TMEFF1: variants seen among roughly 807,000 people sequenced by gnomAD.
The protein encoded by TMEFF1 is transmembrane protein with EGF like and two follistatin like domains 1.
Under a neutral mutation model 47.5 loss-of-function variants are expected in TMEFF1, and 20 were observed. That is an observed-to-expected ratio of 0.42 (90% CI 0.30 to 0.61). The LOEUF (loss-of-function observed/expected upper bound fraction) is 0.61, where lower values mean the gene tolerates loss of function less well. Among genes scored for constraint, TMEFF1 ranks in the 20% least tolerant of loss-of-function variants. TMEFF1 has a pLI of 0.19. For missense variants in TMEFF1, 411 were observed against 471.1 expected (o/e 0.87, Z 1.18); for synonymous variants, 162 against 166.3 (o/e 0.97, Z 0.20).
chr9:100,561,792 C>T (rs970602183), intron 8 of TMEFF1, among the ~76,000 whole-genome samples: 1 of 151,690 alleles, frequency 6.6e-6, no homozygotes, highest in Non-Finnish European at 1.5e-5. Context: ...CATTCCAACA[C>T]TATTTTGGTT....
intron 5 of TMEFF1, among the ~76,000 whole-genome samples, chr9:100,522,792 T>C (rs1838188329): frequency 6.6e-6 from 1 of 152,088 alleles, no homozygotes; most frequent in Non-Finnish European, 1.5e-5. Flanking sequence ...TGGAGTGCAG[T>C]GGCATGATCT....
At position 100,509,048 on chromosome 9, in the gene TMEFF1, C is replaced by T; in HGVS notation, c.350C>T (p.Thr117Ile). The T allele has an allele frequency of 6.2e-7, 1 of 1,604,258 alleles. No individual in the cohort carries two copies. The highest frequency in any genetic ancestry group is 8.5e-7 in the Non-Finnish European group (1 of 1,176,412). ...YIPVCGSNGD[T>I]YQNECFLRRA... Reference sequence around the variant, plus strand: ...CCTGTCTGTGGATCAAATGGGGACACTTATCAAAATGAATGCTTTCTCAGA... The same window carrying T: ...CCTGTCTGTGGATCAAATGGGGACATTTATCAAAATGAATGCTTTCTCAGA... The change falls in exon 3 of 10, where the codon ACT (threonine) becomes ATT (isoleucine). Residue 117 changes from threonine to isoleucine, a missense_variant. By Grantham distance (89) the Thr-to-Ile change is moderately conservative (BLOSUM62 -1). Coordinates refer to ENST00000374879, the MANE Select transcript of TMEFF1 (RefSeq NM_003692.5).
At chr9:100,531,683 A>G (rs544566193) in intron 5 of TMEFF1, among the ~76,000 whole-genome samples, 51 of 152,252 alleles carry the variant, frequency 3.3e-4, no homozygotes, top group African/African-American at 6.7e-4. Context: ...TACAGATTCA[A>G]TGCCATCCCC....
chr9:100,480,892 G>A (rs1837326888), intron 1 of TMEFF1, among the ~76,000 whole-genome samples: 1 of 152,220 alleles, frequency 6.6e-6, no homozygotes. Flanking sequence ...GGAAGATACA[G>A]ATGTGGTGTC....
At position 100,552,486 on chromosome 9, in the gene TMEFF1, T is replaced by A. The variant is rs181007936; in HGVS notation, c.775+2326T>A. Among the ~76,000 whole-genome samples, 10 of 152,236 alleles carry A rather than the reference T, an allele frequency of 6.6e-5. No homozygotes were observed. The East Asian group carries it at 9.7e-4, about 15-fold the overall frequency. The stretch of plus-strand genomic sequence containing the variant: ...GGGAGGAGTTGATGGTGGAGATGAT[T>A]GATTGTATTTTAGAGTTTGAGGTGC... On this transcript the variant is annotated intron_variant, in intron 7 of 9. Coordinates refer to ENST00000374879, the MANE Select transcript of TMEFF1 (RefSeq NM_003692.5).
intron 5 of TMEFF1, among the ~76,000 whole-genome samples, chr9:100,543,053 T>G (rs201570443): frequency 1.3e-5 from 2 of 151,786 alleles, no homozygotes; most frequent in Non-Finnish European, 2.9e-5. Context: ...CTCAGCCTCC[T>G]GAGTAGCTGG....
intron 5 of TMEFF1, among the ~76,000 whole-genome samples, chr9:100,529,814 C>G (rs1030558605): frequency 6.6e-6 from 1 of 152,132 alleles, no homozygotes; most frequent in Admixed American, 6.5e-5. Context: ...CACACCACAC[C>G]TATTCCAAAA....
intron 4 of TMEFF1, 82 bp from the exon 5 acceptor site, chr9:100,516,593 G>C (rs1838078111): frequency 6.6e-7 from 1 of 1,523,810 alleles, no homozygotes; most frequent in Admixed American, 2.1e-5. Context: ...TCAGAAACAG[G>C]ATAATGACTG....
chr9:100,539,648 G>A (rs993991319), intron 5 of TMEFF1, among the ~76,000 whole-genome samples: 2 of 152,146 alleles, frequency 1.3e-5, no homozygotes, highest in Non-Finnish European at 2.9e-5. Flanking sequence ...TCATAAAGGT[G>A]GCGCGGACCC....
chr9:100,509,267 A>C lies in TMEFF1; in HGVS notation c.436+133A>C, dbSNP rs537954642. On this transcript the variant is annotated intron_variant, in intron 3 of 9. Transcript: ENST00000374879. ...GGTGGTTGTTGCGGGGAGTAGGGGA[A>C]ATCTTTTTTGCCCTCATTTCAGGTT... is the stretch of plus-strand genomic sequence containing the variant. 2.2e-4 allele frequency: 273 copies of C among 1,265,706 alleles called. No homozygotes were observed. In the African/African-American group the frequency reaches 3.9e-3, roughly 18 times the overall value. 78.4% of individuals were successfully genotyped at this position (1,265,706 alleles called of 1,614,324 possible).
chr9:100,473,708 C>A lies in TMEFF1; in HGVS notation c.164C>A (p.Pro55His), dbSNP rs780260953. The A allele has an allele frequency of 2.0e-6, 3 of 1,531,136 alleles. No homozygotes were observed. Among genetic ancestry groups the A allele is most frequent in the Non-Finnish European group, 2.6e-6 (3 of 1,137,980 alleles). The allele number at this position is 1,531,136 out of a possible 1,614,324, so 94.8% of individuals were successfully genotyped here. The stretch of plus-strand genomic sequence containing the variant: ...GGCGGCGGCAGCGGCGGGGACTGTC[C>A]CGGCGGCAAAGGCAAGAGCATCAAC... ...GGGGGSGGDC[P>H]GGKGKSINCS... is the part of the protein sequence containing the mutation. The change falls in exon 1 of 10, where the codon CCC (proline) becomes CAC (histidine). Residue 55 changes from proline (P) to histidine (H), a missense_variant. Coordinates refer to ENST00000374879, the MANE Select transcript of TMEFF1 (RefSeq NM_003692.5). The surrounding 1 kb of genome is among the most constrained non-coding windows in gnomAD (Gnocchi z 5.4).
intron 5 of TMEFF1, among the ~76,000 whole-genome samples, chr9:100,527,007 G>A (rs1838271020): frequency 6.7e-6 from 1 of 149,892 alleles, no homozygotes. Flanking sequence ...GCCGGGCGTG[G>A]TGGCACATAA....
intron 8 of TMEFF1, among the ~76,000 whole-genome samples, chr9:100,564,791 C>T (rs1839090391): frequency 6.6e-6 from 1 of 152,120 alleles, no homozygotes; most frequent in African/African-American, 2.4e-5. Context: ...ATTTAGGAGA[C>T]TTAGTAAGAA....
intron 5 of TMEFF1, among the ~76,000 whole-genome samples, chr9:100,528,434 C>T (rs1321623611): frequency 3.4e-5 from 5 of 146,340 alleles, no homozygotes; most frequent in East Asian, 2.0e-4. Flanking sequence ...TCGAGAACTA[C>T]GTGAAGAATG....
At position 100,557,830 on chromosome 9, in the gene TMEFF1, CTT is replaced by C. The variant is rs199955451; in HGVS notation, c.776-3553_776-3552del. On this transcript the variant is annotated intron_variant, in intron 7 of 9. Transcript: ENST00000374879. ...TTCTTGAGGGCAAGGACCATGCATGCTTTTTTTTTTTTTTTAATATCCTCTGT... is the reference window on the plus strand; with the variant it reads ...TTCTTGAGGGCAAGGACCATGCATGCTTTTTTTTTTTTTAATATCCTCTGT... Among the ~76,000 whole-genome samples the C allele has an allele frequency of 3.7e-3, 486 of 132,302 alleles. 2 individuals are homozygous for C. Among genetic ancestry groups the C allele is most frequent in the African/African-American group, 0.012 (434 of 35,988 alleles). The allele number at this position is 132,302 out of a possible 152,430, so 86.8% of individuals were successfully genotyped here. A position where few individuals can be genotyped will look rare whatever the true frequency, so the allele number is the denominator to read the frequency against.
intron 4 of TMEFF1, 54 bp downstream of exon 4, chr9:100,513,387 CTT>C (rs1183935293): frequency 4.3e-6 from 6 of 1,380,578 alleles, no homozygotes; most frequent in South Asian, 1.6e-5. Flanking sequence ...TTCTTTCTTT[CTT>C]TTTCTTTTTT....
In TMEFF1 at chr9:100,473,327, G is replaced by T. The variant is rs1837152198; in HGVS notation, c.-218G>T. On this transcript the variant is annotated 5_prime_UTR_variant, in exon 1 of 10. Transcript: ENST00000374879. This position sits in a 1 kb window ranked among gnomAD's most constrained non-coding sequence, Gnocchi z 5.4. ...CTCGCGCGCACCCTTGCGCGCCCGC[G>T]ACCCTCGCACGCGCCCGGACCCGCC... 1.4e-5 allele frequency: 3 copies of T among 208,014 alleles called. No individual in the cohort carries two copies. The highest frequency in any genetic ancestry group is 1.7e-4 in the South Asian group (1 of 5,966). The allele number at this position is 208,014 out of a possible 1,614,324, so 12.9% of individuals were successfully genotyped here. A position where few individuals can be genotyped will look rare whatever the true frequency, so the allele number is the denominator to read the frequency against.
intron 1 of TMEFF1, among the ~76,000 whole-genome samples, chr9:100,483,769 C>G (rs1442540263): frequency 6.6e-6 from 1 of 150,780 alleles, no homozygotes; most frequent in African/African-American, 2.5e-5. Context: ...CTCTTTCTCT[C>G]TCTATCGTCT....
intron 4 of TMEFF1, 83 bp downstream of exon 4, chr9:100,513,416 A>G (rs1229687205): frequency 3.6e-6 from 5 of 1,394,236 alleles, no homozygotes; most frequent in Non-Finnish European, 4.8e-6. Flanking sequence ...TTTTTAAATC[A>G]GCTTTGAGAT....
Sources: allele counts gnomAD v4.1 joint callset (sites outside exome capture counted in the v4.1 genomes callset), GRCh38; gene constraint gnomAD v4.1.1; non-coding constraint Gnocchi (gnomAD v3.1); transcripts MANE v1.5; gene names NCBI Gene and HGNC (gene_info 2026-07-23, HGNC 2026-07-21).